BNC2: variants seen among roughly 807,000 people sequenced by gnomAD.
BNC2 encodes the protein zinc finger protein basonuclin-2.
In BNC2, 20 loss-of-function variants were observed where a neutral mutation model predicts 76.3. That is an observed-to-expected ratio of 0.26 (90% CI 0.18 to 0.38). BNC2 has a LOEUF of 0.38. BNC2 is among the 10% of genes least tolerant of loss of function. The pLI, the probability that BNC2 is intolerant of heterozygous loss-of-function variation, is 1.00. For synonymous variants in BNC2, 582 were observed against 514.8 expected (o/e 1.13, Z -1.77); for missense variants, 1,382 against 1,399.8 (o/e 0.99, Z 0.20).
intron 1 of BNC2, among the ~76,000 whole-genome samples, chr9:16,866,637 G>C (rs1042790512): frequency 2.5e-5 from 3 of 121,296 alleles, no homozygotes; most frequent in Non-Finnish European, 4.9e-5. Context: ...TGTTCTTGTA[G>C]AAAGTTCTTT....
intron 1 of BNC2, among the ~76,000 whole-genome samples, chr9:16,854,913 A>C (rs956601344): frequency 6.6e-6 from 1 of 152,038 alleles, no homozygotes; most frequent in Non-Finnish European, 1.5e-5. Context: ...AGGTCACTGG[A>C]AAGAATTTCT....
intron 3 of BNC2, among the ~76,000 whole-genome samples, chr9:16,721,922 GCTAAT>G (rs60244962): frequency 0.17 from 25,993 of 152,068 alleles, 2,174 homozygotes; most frequent in East Asian, 0.23. Context: ...TGATATATGT[GCTAAT>G]CTAGAGTGCC....
chr9:16,722,179 T>C (rs1047087863), intron 3 of BNC2, among the ~76,000 whole-genome samples: 1 of 152,234 alleles, frequency 6.6e-6, no homozygotes, highest in African/African-American at 2.4e-5. Flanking sequence ...CAGCTCCCTG[T>C]GTCACAACGA....
intron 5 of BNC2, among the ~76,000 whole-genome samples, chr9:16,478,989 C>T (rs918386093): frequency 6.6e-6 from 1 of 152,132 alleles, no homozygotes; most frequent in Non-Finnish European, 1.5e-5. Context: ...CGGTGGCTCA[C>T]GCCTGTAATC....
chr9:16,717,512 G>A (rs1007429583), intron 3 of BNC2, among the ~76,000 whole-genome samples: 1 of 152,118 alleles, frequency 6.6e-6, no homozygotes, highest in Non-Finnish European at 1.5e-5. Context: ...TCCCTACCAT[G>A]ATGTGATGAC....
chr9:16,664,737 A>C (rs1822217496), intron 3 of BNC2, among the ~76,000 whole-genome samples: 2 of 152,108 alleles, frequency 1.3e-5, no homozygotes, highest in Non-Finnish European at 2.9e-5. Flanking sequence ...AACAAAAAAA[A>C]ACAGGGGATC....
chr9:16,832,231 T>G, intron 1 of BNC2: 1 of 1,211,540 alleles, frequency 8.3e-7, no homozygotes. Context: ...AACTATTACA[T>G]GTAGTTAAAT....
intron 2 of BNC2, among the ~76,000 whole-genome samples, chr9:16,736,422 A>AT (rs1824670003): frequency 1.3e-5 from 1 of 77,764 alleles, no homozygotes; most frequent in African/African-American, 5.1e-5. Flanking sequence ...AGTTTCAAAA[A>AT]TTTTTATAGA....
At chr9:16,729,602 A>G (rs1042757429) in intron 2 of BNC2, among the ~76,000 whole-genome samples, 3 of 152,198 alleles carry the variant, frequency 2.0e-5, no homozygotes, top group Non-Finnish European at 2.9e-5. Flanking sequence ...AGCAAATTCA[A>G]TATCTGAGAG....
chr9:16,675,480 G>T (rs1563892882), intron 3 of BNC2, among the ~76,000 whole-genome samples: 1 of 152,038 alleles, frequency 6.6e-6, no homozygotes, highest in African/African-American at 2.4e-5. Flanking sequence ...CACTGGTCTT[G>T]AACTCCTGGG....
chr9:16,705,614 T>C (rs1033611462), intron 3 of BNC2, among the ~76,000 whole-genome samples: 1 of 152,176 alleles, frequency 6.6e-6, no homozygotes. Flanking sequence ...TGTTTAAATG[T>C]AGGGATGCTT....
chr9:16,660,996 A>C (rs1468253460), intron 3 of BNC2, among the ~76,000 whole-genome samples: 1 of 152,222 alleles, frequency 6.6e-6, no homozygotes, highest in East Asian at 1.9e-4. Flanking sequence ...CAGATACTGA[A>C]GGATGACTGT....
intron 3 of BNC2, among the ~76,000 whole-genome samples, chr9:16,646,063 G>A (rs573734897): frequency 6.6e-6 from 1 of 152,284 alleles, no homozygotes; most frequent in African/African-American, 2.4e-5. Context: ...ACAGCAACAC[G>A]TCTACCTTCC....
intron 3 of BNC2, among the ~76,000 whole-genome samples, chr9:16,629,614 G>A (rs1010701137): frequency 5.3e-5 from 8 of 152,080 alleles, no homozygotes; most frequent in East Asian, 1.9e-4. Context: ...GGCAAACATC[G>A]GACGAACTCA....
At chr9:16,482,213 T>G (rs1822071521) in intron 5 of BNC2, among the ~76,000 whole-genome samples, 1 of 152,208 alleles carries the variant, frequency 6.6e-6, no homozygotes, top group African/African-American at 2.4e-5. Context: ...AGAATAAGTT[T>G]AATCTTGGCC....
At chr9:16,701,746 A>G (rs1823520026) in intron 3 of BNC2, among the ~76,000 whole-genome samples, 1 of 152,034 alleles carries the variant, frequency 6.6e-6, no homozygotes. Context: ...GTTCAAGACT[A>G]GCCTGGCCAA....
Position 16,583,105 on chromosome 9 carries a change from A to G in BNC2, c.331-20T>C, listed in dbSNP as rs1209849841. 4 of 1,595,080 alleles carry G rather than the reference A, an allele frequency of 2.5e-6. No homozygotes were observed. Among genetic ancestry groups the G allele is most frequent in the Non-Finnish European group, 2.6e-6 (3 of 1,163,118 alleles). On this transcript the variant is annotated intron_variant, in intron 3 of 6. Coordinates refer to ENST00000380672, the MANE Select transcript of BNC2 (RefSeq NM_017637.6). Reference sequence around the variant, plus strand: ...GATGGCCTGAAAAATAAAGGAGGAAAAAAAGGTCAGCATCTGTTCAAAGAT... The same window carrying G: ...GATGGCCTGAAAAATAAAGGAGGAAGAAAAGGTCAGCATCTGTTCAAAGAT...
At chr9:16,710,019 C>T (rs1823789702) in intron 3 of BNC2, among the ~76,000 whole-genome samples, 1 of 152,002 alleles carries the variant, frequency 6.6e-6, no homozygotes, top group African/African-American at 2.4e-5. Context: ...ACATGTACAA[C>T]TGCAACAGAA....
chr9:16,762,963 T>A (rs1207031866), intron 1 of BNC2, among the ~76,000 whole-genome samples: 1 of 152,070 alleles, frequency 6.6e-6, no homozygotes, highest in Non-Finnish European at 1.5e-5. Flanking sequence ...GTGTACATAA[T>A]AGAAAATCAA....
Sources: gnomAD v4.1 joint callset for allele counts (sites outside exome capture counted in the v4.1 genomes callset) on GRCh38, gnomAD v4.1.1 for gene constraint, MANE v1.5 for transcripts, NCBI Gene and HGNC (gene_info 2026-07-23, HGNC 2026-07-21) for gene names.